The following KCTD1 variants were observed in gnomAD, a reference collection of about 807,000 sequenced individuals.
The protein encoded by KCTD1 is potassium channel tetramerization domain containing 1.
KCTD1 carries 24 observed loss-of-function variants against 66.0 expected under a neutral mutation model. That is an observed-to-expected ratio of 0.36 (90% CI 0.26 to 0.51). The LOEUF is 0.51. Ranked by LOEUF, KCTD1 falls within the 20% of genes least tolerant of loss-of-function variation. KCTD1 has a pLI of 0.95. For synonymous variants in KCTD1, 511 were observed against 517.2 expected (o/e 0.99, Z 0.16); for missense variants, 943 against 1,205.2 (o/e 0.78, Z 3.22).
intron 1 of KCTD1, among the ~76,000 whole-genome samples, chr18:26,524,362 A>G (rs759204804): frequency 1.4e-4 from 21 of 152,206 alleles, no homozygotes; most frequent in Admixed American, 6.5e-5. Flanking sequence ...AGCTTCCCCT[A>G]ATACAGACAA....
At chr18:26,483,149 A>C (rs1016184798) in intron 2 of KCTD1, among the ~76,000 whole-genome samples, 4 of 152,264 alleles carry the variant, frequency 2.6e-5, no homozygotes, top group Admixed American at 6.5e-5. Flanking sequence ...TTATGTTGTC[A>C]ACTGGAAAAG....
chr18:26,590,384 C>T (rs1356342584), intron 1 of KCTD1, among the ~76,000 whole-genome samples: 1 of 152,086 alleles, frequency 6.6e-6, no homozygotes, highest in African/African-American at 2.4e-5. Context: ...CCACCGTGCC[C>T]GGCTGTGAAT....
At chr18:26,610,000 T>G (rs1361055698) in intron 1 of KCTD1, among the ~76,000 whole-genome samples, 1 of 78,600 alleles carries the variant, frequency 1.3e-5, no homozygotes, top group East Asian at 4.3e-4. Flanking sequence ...TACTGAACAT[T>G]TAACAAGTCA....
At chr18:26,599,568 A>T in intron 1 of KCTD1, 1 of 1,504,372 alleles carries the variant, frequency 6.6e-7, no homozygotes, top group Non-Finnish European at 9.3e-7. Context: ...CAGTCTGCCC[A>T]CAAAGAATCC....
chr18:26,621,495 G>T (rs1438611468), intron 1 of KCTD1, among the ~76,000 whole-genome samples: 1 of 152,020 alleles, frequency 6.6e-6, no homozygotes, highest in African/African-American at 2.4e-5. Flanking sequence ...TGGACTATAC[G>T]TGGAAAAACG....
chr18:26,577,828 C>A (rs930570801), intron 1 of KCTD1, among the ~76,000 whole-genome samples: 1 of 152,106 alleles, frequency 6.6e-6, no homozygotes, highest in African/African-American at 2.4e-5. Context: ...CCTGCCTGAG[C>A]CTCCCAAAGT....
chr18:26,611,237 T>C (rs1231270210), intron 1 of KCTD1, among the ~76,000 whole-genome samples: 1 of 152,160 alleles, frequency 6.6e-6, no homozygotes, highest in Non-Finnish European at 1.5e-5. Context: ...CTTCATCTAT[T>C]TTTTTTCACT....
chr18:26,591,315 A>G (rs1373106275), intron 1 of KCTD1, among the ~76,000 whole-genome samples: 4 of 152,226 alleles, frequency 2.6e-5, no homozygotes, highest in Non-Finnish European at 1.5e-5. Context: ...GGCATGTGCC[A>G]CCATGCAGGG....
At chr18:26,536,807 C>T (rs1336032122) in intron 1 of KCTD1, among the ~76,000 whole-genome samples, 1 of 152,114 alleles carries the variant, frequency 6.6e-6, no homozygotes, top group African/African-American at 2.4e-5. Flanking sequence ...TTCTCCTTCA[C>T]CTTGCCTTTC....
intron 2 of KCTD1, among the ~76,000 whole-genome samples, chr18:26,486,638 G>A (rs1430497617): frequency 6.6e-6 from 1 of 152,162 alleles, no homozygotes; most frequent in Non-Finnish European, 1.5e-5. Flanking sequence ...AAATGGAACA[G>A]ACTCTGGGCC....
intron 1 of KCTD1, among the ~76,000 whole-genome samples, chr18:26,511,155 C>T (rs552213438): frequency 6.6e-6 from 1 of 152,228 alleles, no homozygotes; most frequent in Admixed American, 6.5e-5. Flanking sequence ...GGATTTTTGA[C>T]ATTTTTAAGA....
At chr18:26,460,336 C>G (rs550328984) in intron 3 of KCTD1, among the ~76,000 whole-genome samples, 3 of 152,288 alleles carry the variant, frequency 2.0e-5, no homozygotes, top group Admixed American at 1.3e-4. Context: ...TCGGTGAGAA[C>G]CCAATTTCTA....
chr18:26,507,711 T>A (rs1983116149), intron 1 of KCTD1, among the ~76,000 whole-genome samples: 1 of 152,080 alleles, frequency 6.6e-6, no homozygotes, highest in Admixed American at 6.6e-5. Flanking sequence ...CTTTTTTTTT[T>A]TTAAAAAAAG....
intron 1 of KCTD1, among the ~76,000 whole-genome samples, chr18:26,580,348 G>A (rs1381244923): frequency 6.6e-6 from 1 of 152,066 alleles, no homozygotes; most frequent in African/African-American, 2.4e-5. Flanking sequence ...CATCTAGTAA[G>A]GGAACTTAGG....
intron 1 of KCTD1, among the ~76,000 whole-genome samples, chr18:26,555,119 A>T (rs529563538): frequency 2.0e-5 from 3 of 152,340 alleles, no homozygotes; most frequent in South Asian, 2.1e-4. Context: ...TGTAACAAAT[A>T]TGTATTTTTT....
At chr18:26,485,630 A>G (rs1981876199) in intron 2 of KCTD1, among the ~76,000 whole-genome samples, 1 of 152,110 alleles carries the variant, frequency 6.6e-6, no homozygotes, top group Non-Finnish European at 1.5e-5. Flanking sequence ...GGGAAGCCCA[A>G]TTTAGTATTT....
chr18:26,463,154 C>CTGAT (rs1289806368), intron 3 of KCTD1, among the ~76,000 whole-genome samples: 7 of 152,202 alleles, frequency 4.6e-5, no homozygotes, highest in Admixed American at 2.0e-4. Context: ...TTTATCTTCT[C>CTGAT]TGATTAAGAA....
chr18:26,619,064 T>C (rs1987317679), intron 1 of KCTD1, among the ~76,000 whole-genome samples: 1 of 152,242 alleles, frequency 6.6e-6, no homozygotes, highest in Admixed American at 6.5e-5. Context: ...TTAGCATGAT[T>C]GGTACTATCC....
rs112720565 is a variant in KCTD1, at chr18:26,455,792, G to A, written c.2549C>T (p.Thr850Met). The A allele has an allele frequency of 7.0e-5, 113 of 1,613,960 alleles. 1 individual carries two copies. Among genetic ancestry groups the A allele is most frequent in the African/African-American group, 2.7e-4 (20 of 74,888 alleles). The change falls in exon 5 of 5, where the codon ACG (threonine) becomes ATG (methionine). Residue 850 changes from threonine to methionine, a missense_variant. By Grantham distance (81) the Thr-to-Met change is moderately conservative. Coordinates refer to ENST00000580059, the MANE Select transcript of KCTD1 (RefSeq NM_001142730.3). ...EYVLRRELRR[T>M]PRVPSVIRIK... is the part of the protein sequence containing the mutation. ...CCGGATGACGGAGGGTACACGGGGC[G>A]TCCGCCTCAGTTCCCGCCGAAGGAC... is the stretch of plus-strand genomic sequence containing the variant.
Sources: gnomAD v4.1 joint callset for allele counts (sites outside exome capture counted in the v4.1 genomes callset) on GRCh38, gnomAD v4.1.1 for gene constraint, MANE v1.5 for transcripts, NCBI Gene and HGNC (gene_info 2026-07-23, HGNC 2026-07-21) for gene names.